The following SP100 variants were observed in gnomAD, a reference collection of about 807,000 sequenced individuals.
SP100 encodes the protein SP100 nuclear body protein.
Under a neutral mutation model 130.0 loss-of-function variants are expected in SP100, and 84 were observed. That is an observed-to-expected ratio of 0.65 (90% CI 0.54 to 0.77). The LOEUF (loss-of-function observed/expected upper bound fraction) is 0.77, where lower values mean the gene tolerates loss of function less well. SP100 is among the 30% of genes least tolerant of loss of function. The pLI is 0.00. For synonymous variants in SP100, 331 were observed against 351.7 expected, an observed-to-expected ratio of 0.94 and a Z score of 0.66; for missense variants, 978 against 1,052.2, an observed-to-expected ratio of 0.93 and a Z score of 0.97.
Position 230,444,160 on chromosome 2 carries a change from C to T in SP100, c.271-18C>T. On this transcript the variant is annotated intron_variant, in intron 3 of 28. Coordinates refer to ENST00000340126, the MANE Select transcript of SP100 (RefSeq NM_001080391.2). The stretch of plus-strand genomic sequence containing the variant: ...TGGAAGTCTTTATTTATATTTTCTC[C>T]ATTCAATATTTTTTAAGGATTCTCA... 6.6e-7 allele frequency: 1 copy of T among 1,517,230 alleles called. No individual in the cohort carries two copies. Among genetic ancestry groups the T allele is most frequent in the South Asian group, 1.3e-5 (1 of 79,514 alleles). 94.0% of individuals were successfully genotyped at this position (1,517,230 alleles called of 1,614,324 possible).
intron 13 of SP100, chr2:230,468,688 C>A: frequency 6.1e-6 from 1 of 163,892 alleles, no homozygotes; most frequent in Non-Finnish European, 1.3e-5. Context: ...GGTGGTGGTG[C>A]ATGCCTGTAG....
intron 2 of SP100, among the ~76,000 whole-genome samples, chr2:230,423,565 A>G (rs1282972748): frequency 6.6e-6 from 1 of 152,074 alleles, no homozygotes; most frequent in Non-Finnish European, 1.5e-5. Flanking sequence ...TGAGGGGATT[A>G]CCTTGTGTTC....
chr2:230,520,729 A>C (rs1334495716), intron 24 of SP100: 1 of 152,260 alleles, frequency 6.6e-6, no homozygotes, highest in African/African-American at 2.4e-5. Flanking sequence ...TGTGAGGATC[A>C]ACCCAAGAAA....
intron 4 of SP100, among the ~76,000 whole-genome samples, chr2:230,445,157 T>C (rs2149908649): frequency 6.6e-6 from 1 of 152,344 alleles, no homozygotes; most frequent in Non-Finnish European, 1.5e-5. Context: ...TCTTGACCTT[T>C]TTCCTGAGAA....
intron 2 of SP100, chr2:230,440,649 T>C: frequency 8.1e-7 from 1 of 1,233,708 alleles, no homozygotes; most frequent in Non-Finnish European, 1.0e-6. Context: ...TCAATTCAAA[T>C]CCAAAAAAAA....
intron 24 of SP100, among the ~76,000 whole-genome samples, chr2:230,526,606 C>A (rs957780478): frequency 6.6e-6 from 1 of 152,160 alleles, no homozygotes; most frequent in African/African-American, 2.4e-5. Context: ...TCAGTAATAG[C>A]AAACTTCTCC....
intron 24 of SP100, among the ~76,000 whole-genome samples, chr2:230,519,935 C>G (rs938685353): frequency 6.6e-6 from 1 of 152,266 alleles, no homozygotes; most frequent in Non-Finnish European, 1.5e-5. Flanking sequence ...CACATCAAAC[C>G]AGCTGGTGCT....
At chr2:230,484,311 C>T (rs886507129) in intron 17 of SP100, among the ~76,000 whole-genome samples, 5 of 152,152 alleles carry the variant, frequency 3.3e-5, no homozygotes, top group South Asian at 2.1e-4. Flanking sequence ...GGAAGTGCCA[C>T]GAGTATTGAT....
At chr2:230,432,816 A>C (rs950787902) in intron 2 of SP100, among the ~76,000 whole-genome samples, 3 of 152,112 alleles carry the variant, frequency 2.0e-5, no homozygotes, top group Admixed American at 1.3e-4. Flanking sequence ...TTTATGGTAT[A>C]TTTGAGGCAC....
intron 24 of SP100, among the ~76,000 whole-genome samples, chr2:230,534,401 G>A (rs184746374): frequency 4.0e-4 from 61 of 152,160 alleles, no homozygotes; most frequent in Middle Eastern, 3.4e-3. Context: ...GCGAGACTCC[G>A]TCTCAAAAAA....
chr2:230,448,574 G>A (rs1361425243), intron 5 of SP100, among the ~76,000 whole-genome samples: 1 of 152,098 alleles, frequency 6.6e-6, no homozygotes, highest in Non-Finnish European at 1.5e-5. Context: ...AAACAAAAAT[G>A]AGGAAATATT....
At chr2:230,419,371 G>A (rs1304710066) in intron 2 of SP100, among the ~76,000 whole-genome samples, 2 of 152,186 alleles carry the variant, frequency 1.3e-5, no homozygotes, top group Non-Finnish European at 2.9e-5. Context: ...TATCCACAGT[G>A]TAGACACTAC....
Position 230,449,130 on chromosome 2 carries a change from C to T in SP100, c.566C>T (p.Ser189Leu), listed in dbSNP as rs771409287. The T allele has an allele frequency of 6.8e-6, 11 of 1,613,700 alleles. No homozygotes were observed. Among genetic ancestry groups the T allele is most frequent in the South Asian group, 3.3e-5 (3 of 91,082 alleles). Residue 189 changes from serine (S) to leucine (L), a missense_variant, in exon 6 of 29, where the codon TCG becomes TTG. Transcript: ENST00000340126. Reference protein sequence around the residue: ...NSFRSLTWPPSGSPSHAGTTP... With the variant: ...NSFRSLTWPPLGSPSHAGTTP... ...TTTCGAAGCCTGACTTGGCCACCTT[C>T]GGGTTCCCCATCTCATGCTGGTTTG...
At chr2:230,437,684 G>A (rs778182563) in intron 2 of SP100, among the ~76,000 whole-genome samples, 3 of 151,760 alleles carry the variant, frequency 2.0e-5, no homozygotes, top group East Asian at 1.9e-4. Context: ...TCAGCCTCCC[G>A]AGTAGCTGGG....
intron 17 of SP100, chr2:230,493,817 C>T (rs1253439770): frequency 2.0e-5 from 3 of 152,168 alleles, no homozygotes; most frequent in Non-Finnish European, 4.4e-5. Flanking sequence ...GTGGCCCAGA[C>T]TGAAAGTGCA....
intron 2 of SP100, among the ~76,000 whole-genome samples, chr2:230,434,757 T>C (rs1358838059): frequency 2.6e-5 from 4 of 152,152 alleles, no homozygotes; most frequent in Non-Finnish European, 5.9e-5. Context: ...GTTCACTACA[T>C]AGATATATGT....
At position 230,489,339 on chromosome 2, in the gene SP100, T is replaced by C. The variant is rs552053649; in HGVS notation, c.1601-5077T>C. Among the ~76,000 whole-genome samples the C allele has an allele frequency of 2.6e-5, 4 of 152,328 alleles. No homozygotes were observed. The East Asian group carries it at 5.8e-4, about 22-fold the overall frequency. On this transcript the variant is annotated intron_variant, in intron 17 of 28. Coordinates refer to ENST00000340126, the MANE Select transcript of SP100 (RefSeq NM_001080391.2). The stretch of plus-strand genomic sequence containing the variant: ...TGTTTATAGTATTCTCTGATGGTAG[T>C]TTGTATTTCTGTGGGGTCGGTGGTG...
rs374205017 is a variant in SP100, at chr2:230,506,300, C to T, written c.1871-3C>T. Reference sequence around the variant, plus strand: ...GGGAGCTCACTTTGCCTTGGTCTTACAGGAACCTCAAAGAAGTGTATACAG... The same window carrying T: ...GGGAGCTCACTTTGCCTTGGTCTTATAGGAACCTCAAAGAAGTGTATACAG... On this transcript the variant is annotated splice_region_variant and splice_polypyrimidine_tract_variant and intron_variant, in intron 21 of 28. Coordinates refer to ENST00000340126, the MANE Select transcript of SP100 (RefSeq NM_001080391.2). 4.3e-5 allele frequency: 69 copies of T among 1,613,432 alleles called. No homozygotes were observed. The highest frequency in any genetic ancestry group is 7.6e-6 in the Non-Finnish European group (9 of 1,179,630).
chr2:230,469,282 G>A lies in SP100; in HGVS notation c.1345+186G>A, dbSNP rs144543443. ...AAACATAAGCCTCAAAATGTTCAAA[G>A]GCACAAGTGCAACATAAGTTTATTT... On this transcript the variant is annotated intron_variant, in intron 14 of 28. Coordinates refer to ENST00000340126, the MANE Select transcript of SP100 (RefSeq NM_001080391.2). 3.0e-3 allele frequency among the ~76,000 whole-genome samples: 451 copies of A among 152,278 alleles called. 3 individuals are homozygous for A. The highest frequency in any genetic ancestry group is 0.01 in the African/African-American group (428 of 41,562).
Sources: allele counts gnomAD v4.1 joint callset (sites outside exome capture counted in the v4.1 genomes callset), GRCh38; gene constraint gnomAD v4.1.1; transcripts MANE v1.5; gene names NCBI Gene and HGNC (gene_info 2026-07-23, HGNC 2026-07-21).